Variants in FTO observed in about 807,000 individuals in gnomAD.
FTO encodes alpha-ketoglutarate-dependent dioxygenase FTO.
FTO carries 47 observed loss-of-function variants against 63.9 expected under a neutral mutation model. The ratio of observed to expected loss-of-function variants is 0.74; its 90% CI spans 0.58 to 0.94. FTO has a LOEUF of 0.94. Among genes scored for constraint, FTO ranks in the 40% least tolerant of loss-of-function variants. FTO has a pLI of 0.00. For synonymous variants in FTO, 207 were observed against 224.4 expected (o/e 0.92, Z 0.69); for missense variants, 562 against 618.1 (o/e 0.91, Z 0.96).
chr16:54,076,913 C>T (rs994875460), intron 8 of FTO, among the ~76,000 whole-genome samples: 18 of 152,144 alleles, frequency 1.2e-4, no homozygotes, highest in African/African-American at 4.3e-4. Context: ...AACCACCACT[C>T]TTTTTGAAAG....
chr16:53,704,217 G>C lies in FTO; in HGVS notation c.33G>C (p.Glu11Asp), dbSNP rs1388384491. ...GCACCCCGACTGCCGAGGAACGAGA[G>C]CGCGAAGCTAAGGTATGTCGGGCTC... MKRTPTAEER[E>D]REAKKLRLLE... The change falls in exon 1 of 9, where the codon GAG (glutamate) becomes GAC (aspartate). Residue 11 changes from glutamate (E) to aspartate (D), a missense_variant. Physicochemically the swap from Glu to Asp is conservative, Grantham distance 45. Transcript: ENST00000471389. 3.2e-6 allele frequency: 5 copies of C among 1,551,422 alleles called. No homozygotes were observed. Among genetic ancestry groups the C allele is most frequent in the African/African-American group, 2.7e-5 (2 of 73,064 alleles).
intron 5 of FTO, among the ~76,000 whole-genome samples, chr16:53,879,246 T>C (rs2080755326): frequency 1.3e-5 from 2 of 152,188 alleles, no homozygotes; most frequent in Non-Finnish European, 1.5e-5. Context: ...AAATAGGGCG[T>C]TAGCCTCCGG....
chr16:53,942,145 T>G (rs547483370), intron 8 of FTO, among the ~76,000 whole-genome samples: 1 of 142,432 alleles, frequency 7.0e-6, no homozygotes, highest in East Asian at 1.9e-4. Flanking sequence ...AAATTCGAAG[T>G]CAGGATGGAT....
At chr16:53,856,120 G>T (rs1381494781) in intron 4 of FTO, among the ~76,000 whole-genome samples, 1 of 151,934 alleles carries the variant, frequency 6.6e-6, no homozygotes, top group Non-Finnish European at 1.5e-5. Flanking sequence ...CTTTATGTAG[G>T]TTGTATATCC....
intron 1 of FTO, among the ~76,000 whole-genome samples, chr16:53,710,648 G>C (rs2075747547): frequency 6.6e-6 from 1 of 152,126 alleles, no homozygotes; most frequent in South Asian, 2.1e-4. Flanking sequence ...ATGCCTCCTG[G>C]CTGTAGGTAA....
rs563458619 is a variant in FTO at position 53,737,903 on chromosome 16, G to C, written c.45+33674G>C. Among the ~76,000 whole-genome samples, 9 of 152,146 alleles carry C rather than the reference G, an allele frequency of 5.9e-5. No individual in the cohort carries two copies. The South Asian group carries it at 1.9e-3, about 32-fold the overall frequency. Reference sequence around the variant, plus strand: ...CTTTGTGACTGGCTTCTTCCACTTAGCATGATGTTTTCAAGGTTCATCTAT... The same window carrying C: ...CTTTGTGACTGGCTTCTTCCACTTACCATGATGTTTTCAAGGTTCATCTAT... On this transcript the variant is annotated intron_variant, in intron 1 of 8. Coordinates refer to ENST00000471389, the MANE Select transcript of FTO (RefSeq NM_001080432.3).
intron 1 of FTO, among the ~76,000 whole-genome samples, chr16:53,742,452 A>G (rs1567947154): frequency 1.3e-5 from 2 of 152,208 alleles, no homozygotes; most frequent in African/African-American, 4.8e-5. Flanking sequence ...CTGGGTGGAC[A>G]ACAGAAGGTA....
At chr16:53,742,765 C>G (rs1258652235) in intron 1 of FTO, among the ~76,000 whole-genome samples, 1 of 152,112 alleles carries the variant, frequency 6.6e-6, no homozygotes, top group Non-Finnish European at 1.5e-5. Context: ...GTATTGTTTG[C>G]CACACTTTAT....
intron 6 of FTO, among the ~76,000 whole-genome samples, chr16:53,882,108 G>A (rs1325563044): frequency 6.6e-6 from 1 of 152,164 alleles, no homozygotes; most frequent in African/African-American, 2.4e-5. Context: ...ACACTAAAAT[G>A]TGGTTGAGAA....
At chr16:53,712,013 A>G (rs954846586) in intron 1 of FTO, among the ~76,000 whole-genome samples, 2 of 152,194 alleles carry the variant, frequency 1.3e-5, no homozygotes, top group Non-Finnish European at 2.9e-5. Context: ...GGCTCACTTG[A>G]GACCAGGAGT....
chr16:53,904,271 C>T (rs1352509655), intron 7 of FTO, among the ~76,000 whole-genome samples: 1 of 152,094 alleles, frequency 6.6e-6, no homozygotes, highest in African/African-American at 2.4e-5. Flanking sequence ...AACTAAGGCT[C>T]AGATGTATGA....
chr16:53,822,468 T>C (rs1226634214), intron 2 of FTO, among the ~76,000 whole-genome samples: 2 of 152,160 alleles, frequency 1.3e-5, no homozygotes, highest in East Asian at 3.9e-4. Context: ...CCTTGATTTT[T>C]AGTGTTTTTT....
intron 8 of FTO, among the ~76,000 whole-genome samples, chr16:54,087,243 C>T (rs1382135676): frequency 6.6e-6 from 1 of 152,192 alleles, no homozygotes; most frequent in Admixed American, 6.5e-5. Flanking sequence ...TCTAGAAAAA[C>T]ATCTGTTTCC....
At chr16:54,104,564 G>T (rs557562704) in intron 8 of FTO, among the ~76,000 whole-genome samples, 44 of 152,186 alleles carry the variant, frequency 2.9e-4, no homozygotes, top group Non-Finnish European at 5.1e-4. Context: ...GCCCACCTCA[G>T]CCTCCCAAAG....
chr16:53,783,277 C>T (rs1381535953), intron 1 of FTO, among the ~76,000 whole-genome samples: 3 of 151,818 alleles, frequency 2.0e-5, no homozygotes, highest in Non-Finnish European at 4.4e-5. Context: ...GTCAGGAGTC[C>T]GAGACCAACC....
chr16:53,882,321 C>T (rs1255919060), intron 6 of FTO, among the ~76,000 whole-genome samples: 1 of 151,016 alleles, frequency 6.6e-6, no homozygotes, highest in East Asian at 1.9e-4. Context: ...AAGTAATACA[C>T]TTAACACACT....
In FTO at chr16:53,943,797, AAGTTGC is replaced by A. The variant is rs146168144; in HGVS notation, c.1364+9692_1364+9697del. On this transcript the variant is annotated intron_variant, in intron 8 of 8. Coordinates refer to ENST00000471389, the MANE Select transcript of FTO (RefSeq NM_001080432.3). ...TCACTTGTTATAAAATTTACATTTCAAGTTGCAGTGGGTCATATTTGGGAAGTAGCC... is the reference window on the plus strand; with the variant it reads ...TCACTTGTTATAAAATTTACATTTCAAGTGGGTCATATTTGGGAAGTAGCC... Among the ~76,000 whole-genome samples, 959 of 152,320 alleles carry A rather than the reference AAGTTGC, an allele frequency of 6.3e-3. 19 individuals carry two copies. Among genetic ancestry groups the A allele is most frequent in the African/African-American group, 0.022 (924 of 41,576 alleles).
chr16:53,863,664 C>T (rs2080234465), intron 4 of FTO, among the ~76,000 whole-genome samples: 1 of 152,170 alleles, frequency 6.6e-6, no homozygotes, highest in Non-Finnish European at 1.5e-5. Context: ...AGAATTCTGG[C>T]TACAGTGAGT....
chr16:53,756,293 T>C (rs2076921688), intron 1 of FTO, among the ~76,000 whole-genome samples: 1 of 152,216 alleles, frequency 6.6e-6, no homozygotes, highest in Non-Finnish European at 1.5e-5. Flanking sequence ...CAGGGAGCTC[T>C]CACTCCCTTC....
Sources: gnomAD v4.1 joint callset for allele counts (sites outside exome capture counted in the v4.1 genomes callset) on GRCh38, gnomAD v4.1.1 for gene constraint, MANE v1.5 for transcripts, NCBI Gene and HGNC (gene_info 2026-07-23, HGNC 2026-07-21) for gene names.